The following DOCK11 variants were observed in gnomAD, a reference collection of about 807,000 sequenced individuals.
The protein encoded by DOCK11 is dedicator of cytokinesis 11.
Under a neutral mutation model 169.1 loss-of-function variants are expected in DOCK11, and 70 were observed. The observed-to-expected ratio is 0.41, with a 90% CI of 0.34 to 0.51. The LOEUF is 0.51. Ranked by LOEUF, DOCK11 falls within the 20% of genes least tolerant of loss-of-function variation. DOCK11 has a pLI of 0.10. For synonymous variants in DOCK11, 529 were observed against 541.3 expected, an observed-to-expected ratio of 0.98 and a Z score of 0.32; for missense variants, 1,166 against 1,538.8, an observed-to-expected ratio of 0.76 and a Z score of 4.05.
intron 10 of DOCK11, among the ~76,000 whole-genome samples, chrX:118,572,057 T>C (rs1296499375): frequency 1.8e-5 from 2 of 112,128 alleles, no homozygotes; most frequent in African/African-American, 6.5e-5. Context: ...AATCATGCCA[T>C]GTAGGGCTTT....
chrX:118,618,662 T>C lies in DOCK11; in HGVS notation c.3405T>C (p.Tyr1135=). The change falls in exon 31 of 53, where the codon TAT becomes TAC. Residue 1135 remains tyrosine, a synonymous_variant. Transcript: ENST00000276202. ...IALQDNYEIR[Y]TAISVIKNLL... is the part of the protein sequence containing the mutation. ...TTCAGGACAATTATGAGATCAGATATACAGCTATCTCTGTTATAAAGAATC... is the reference window on the plus strand; with the variant it reads ...TTCAGGACAATTATGAGATCAGATACACAGCTATCTCTGTTATAAAGAATC... 1 of 1,206,451 alleles carries C rather than the reference T, an allele frequency of 8.3e-7. No individual in the cohort carries two copies. Among genetic ancestry groups the C allele is most frequent in the Non-Finnish European group, 1.1e-6 (1 of 891,664 alleles).
At chrX:118,516,450 C>T (rs1490676246) in intron 1 of DOCK11, among the ~76,000 whole-genome samples, 2 of 89,538 alleles carry the variant, frequency 2.2e-5, no homozygotes, top group Admixed American at 1.4e-4. Context: ...TTCTTTCTTT[C>T]TCTCTCCGCC....
chrX:118,520,134 G>A (rs1242715378), intron 1 of DOCK11, among the ~76,000 whole-genome samples: 1 of 112,138 alleles, frequency 8.9e-6, no homozygotes, highest in Non-Finnish European at 1.9e-5. Flanking sequence ...CTGGGAAATG[G>A]ACTTAAGTTA....
chrX:118,649,235 C>A, intron 41 of DOCK11, 108 bp downstream of exon 41: 1 of 576,683 alleles, frequency 1.7e-6, no homozygotes, highest in Non-Finnish European at 2.6e-6. Flanking sequence ...GGCCATCTAG[C>A]ACTTGATGTG....
intron 1 of DOCK11, among the ~76,000 whole-genome samples, chrX:118,525,559 A>G (rs953635220): frequency 9.0e-6 from 1 of 111,686 alleles, no homozygotes; most frequent in African/African-American, 3.3e-5. Flanking sequence ...GAATGCGTAC[A>G]GAGTTTCTCT....
intron 35 of DOCK11, chrX:118,632,967 G>A (rs2015284580): frequency 1.9e-5 from 1 of 52,017 alleles, no homozygotes; most frequent in Admixed American, 2.5e-4. Context: ...GGTGGGGGGC[G>A]GTGGGGGGGG....
At chrX:118,565,744 A>T (rs1379186133) in intron 7 of DOCK11, among the ~76,000 whole-genome samples, 2 of 111,931 alleles carry the variant, frequency 1.8e-5, no homozygotes, top group Non-Finnish European at 3.8e-5. Context: ...AAATGATAAT[A>T]CTTAACAAGT....
intron 36 of DOCK11, among the ~76,000 whole-genome samples, chrX:118,637,620 A>G (rs1265293597): frequency 9.0e-6 from 1 of 110,987 alleles, no homozygotes; most frequent in Non-Finnish European, 1.9e-5. Flanking sequence ...TTAGCTGGGC[A>G]TGGTGATGTG....
chrX:118,513,298 A>G (rs1485721868), intron 1 of DOCK11, among the ~76,000 whole-genome samples: 3 of 112,466 alleles, frequency 2.7e-5, no homozygotes, highest in Non-Finnish European at 5.6e-5. Context: ...GGCCTGAGCT[A>G]GTGATGGCTG....
At chrX:118,542,504 G>C (rs1291229723) in intron 1 of DOCK11, among the ~76,000 whole-genome samples, 3 of 75,839 alleles carry the variant, frequency 4.0e-5, no homozygotes, top group Non-Finnish European at 7.9e-5. Context: ...GAATGTCTGT[G>C]TGTGTGTGTG....
At chrX:118,505,862 C>G (rs903015834) in intron 1 of DOCK11, among the ~76,000 whole-genome samples, 4 of 112,266 alleles carry the variant, frequency 3.6e-5, no homozygotes, top group Admixed American at 9.4e-5. Context: ...ACCTTTATGC[C>G]AGCCTGTTCA....
chrX:118,595,825 T>C (rs2014148349), intron 20 of DOCK11, among the ~76,000 whole-genome samples: 1 of 111,516 alleles, frequency 9.0e-6, no homozygotes, highest in Non-Finnish European at 1.9e-5. Context: ...TTGGTCGTGC[T>C]CTGATTCATT....
intron 7 of DOCK11, among the ~76,000 whole-genome samples, chrX:118,562,749 T>A (rs1272639856): frequency 1.8e-5 from 2 of 112,395 alleles, no homozygotes; most frequent in Non-Finnish European, 3.8e-5. Flanking sequence ...TTGAACCTTA[T>A]CTTTTATGAC....
At chrX:118,633,954 A>G (rs1024662654) in intron 35 of DOCK11, 3 of 112,856 alleles carry the variant, frequency 2.7e-5, no homozygotes, top group Non-Finnish European at 5.6e-5. Context: ...ATTTCATAAT[A>G]GTCTTTCTCT....
At chrX:118,595,332 T>G (rs2014127988) in intron 20 of DOCK11, among the ~76,000 whole-genome samples, 1 of 111,685 alleles carries the variant, frequency 9.0e-6, no homozygotes, top group Non-Finnish European at 1.9e-5. Flanking sequence ...CAATGAAGTT[T>G]CAAAACTGGG....
At chrX:118,680,410 T>C in intron 48 of DOCK11, 72 bp from the exon 49 acceptor site, 1 of 619,571 alleles carries the variant, frequency 1.6e-6, no homozygotes, top group South Asian at 8.8e-5. Context: ...TTACCTTATC[T>C]CCTTTTCCCT....
chrX:118,588,396 C>A lies in DOCK11; in HGVS notation c.1981-17C>A. On this transcript the variant is annotated splice_polypyrimidine_tract_variant and intron_variant, in intron 17 of 52. Coordinates refer to ENST00000276202, the MANE Select transcript of DOCK11 (RefSeq NM_144658.4). ...CTGCTAATTGTGTGACTCATTTTGA[C>A]TGATTAATCATTTTAGGCAAGGAAC... 8.5e-7 allele frequency: 1 copy of A among 1,176,082 alleles called. No individual in the cohort carries two copies. The highest frequency in any genetic ancestry group is 2.0e-5 in the South Asian group (1 of 50,893).
At position 118,519,891 on chromosome X, in the gene DOCK11, C is replaced by T. The variant is rs1207111314; in HGVS notation, c.103-22834C>T. On this transcript the variant is annotated intron_variant, in intron 1 of 52. Coordinates refer to ENST00000276202, the MANE Select transcript of DOCK11 (RefSeq NM_144658.4). ...CAGTTTTTGTAACACACTGTCACTC[C>T]TCTGCCATTTAAAATCAGATTATAC... 4.5e-5 allele frequency among the ~76,000 whole-genome samples: 5 copies of T among 111,682 alleles called. No individual in the cohort carries two copies. The Admixed American group carries it at 4.7e-4, about 11-fold the overall frequency.
At chrX:118,648,793 A>T in intron 40 of DOCK11, 152 bp from the exon 41 acceptor site, 1 of 412,939 alleles carries the variant, frequency 2.4e-6, no homozygotes, top group South Asian at 6.0e-5. Flanking sequence ...TAACTAGTTC[A>T]GGCTCTCTGG....
Sources: gnomAD v4.1 joint callset for allele counts (sites outside exome capture counted in the v4.1 genomes callset) on GRCh38, gnomAD v4.1.1 for gene constraint, MANE v1.5 for transcripts, NCBI Gene and HGNC (gene_info 2026-07-23, HGNC 2026-07-21) for gene names.